Variants in LDB1 observed in about 807,000 individuals in gnomAD.
LDB1 encodes LIM domain-binding protein 1.
In LDB1, 6 loss-of-function variants were observed where a neutral mutation model predicts 49.7. The observed-to-expected ratio is 0.12, with a 90% CI of 0.07 to 0.24. The LOEUF (loss-of-function observed/expected upper bound fraction) is 0.24, where lower values mean the gene tolerates loss of function less well. Among genes scored for constraint, LDB1 ranks in the 10% least tolerant of loss-of-function variants. LDB1 has a pLI of 1.00. For missense variants in LDB1, 341 were observed against 561.7 expected (o/e 0.61, Z 3.97); for synonymous variants, 233 against 202.0 (o/e 1.15, Z -1.30).
At chr10:102,108,392 C>T in intron 10 of LDB1, 69 bp from the exon 11 acceptor site, 1 of 1,213,796 alleles carries the variant, frequency 8.2e-7, no homozygotes. Context: ...GGCAGATACC[C>T]CCAGAGCCCC....
At position 102,109,374 on chromosome 10, in the gene LDB1, A is replaced by G; in HGVS notation, c.856+10T>C. On this transcript the variant is annotated intron_variant, in intron 9 of 10. Coordinates refer to ENST00000673968, the MANE Select transcript of LDB1 (RefSeq NM_001113407.3). The surrounding 1 kb of genome is among the most constrained non-coding windows in gnomAD (Gnocchi z 5.8). ...TGAGATCCTGGTAAGAGCAGGTGCA[A>G]GGCACTCACCAGGGGGTGCTACCAT... 1 of 1,613,956 alleles carries G rather than the reference A, an allele frequency of 6.2e-7. No homozygotes were observed. The highest frequency in any genetic ancestry group is 8.5e-7 in the Non-Finnish European group (1 of 1,180,008).
At chr10:102,108,995 A>G (rs1217691541) in intron 10 of LDB1, 34 bp downstream of exon 10, 1 of 1,614,066 alleles carries the variant, frequency 6.2e-7, no homozygotes, top group Non-Finnish European at 8.5e-7. Flanking sequence ...GTGGTGGGGC[A>G]GCCCAGAAGA....
intron 1 of LDB1, among the ~76,000 whole-genome samples, chr10:102,115,717 C>G (rs1362045356): frequency 6.6e-6 from 1 of 152,120 alleles, no homozygotes; most frequent in Non-Finnish European, 1.5e-5. Context: ...GCTGAATCCT[C>G]CCCACCACCC....
chr10:102,114,812 G>GGGGGGGCCCCCCCCCCCCCC, intron 1 of LDB1: 14 of 929,802 alleles, frequency 1.5e-5, no homozygotes, highest in Non-Finnish European at 1.7e-5. Context: ...CCTCCGAGCA[G>GGGGGGGCCCCCCCCCCCCCC]CCCGCCCGCC....
At chr10:102,115,963 G>A (rs1317902678) in intron 1 of LDB1, among the ~76,000 whole-genome samples, 2 of 151,858 alleles carry the variant, frequency 1.3e-5, no homozygotes, top group East Asian at 3.9e-4. Flanking sequence ...GGGGGAGCAC[G>A]AACCTTCTAT....
intron 1 of LDB1, 86 bp downstream of exon 1, chr10:102,120,000 C>T (rs1026861519): frequency 4.5e-6 from 5 of 1,112,304 alleles, no homozygotes; most frequent in African/African-American, 1.6e-5. Flanking sequence ...CGACGCCCCC[C>T]ACACAAGTTC....
chr10:102,116,968 G>C (rs1313719493), intron 1 of LDB1, among the ~76,000 whole-genome samples: 1 of 142,912 alleles, frequency 7.0e-6, no homozygotes, highest in Non-Finnish European at 1.5e-5. Flanking sequence ...CTAACAGTGA[G>C]ATCCTAACAG....
downstream of LDB1, among the ~76,000 whole-genome samples, chr10:102,102,537 G>C (rs61874764): frequency 0.073 from 11,170 of 152,240 alleles, 486 homozygotes; most frequent in African/African-American, 0.12. Flanking sequence ...GCTTCCTCTG[G>C]AAATGGGTCC....
intron 1 of LDB1, among the ~76,000 whole-genome samples, chr10:102,118,806 T>C (rs111361687): frequency 6.6e-6 from 1 of 152,064 alleles, no homozygotes; most frequent in African/African-American, 2.4e-5. Flanking sequence ...ACCAAGCTGG[T>C]AGAAAGAGGG....
At chr10:102,115,518 G>A (rs2068325349) in intron 1 of LDB1, among the ~76,000 whole-genome samples, 1 of 152,180 alleles carries the variant, frequency 6.6e-6, no homozygotes, top group Non-Finnish European at 1.5e-5. Context: ...ATTGGAGGAA[G>A]GGGGACACTC....
intron 6 of LDB1, 119 bp from the exon 7 acceptor site, chr10:102,110,162 C>G (rs2068231187): frequency 1.8e-6 from 2 of 1,140,558 alleles, no homozygotes; most frequent in African/African-American, 3.1e-5. Flanking sequence ...GTCACCTGCA[C>G]ATTAAATCTG....
Position 102,108,199 on chromosome 10 carries a change from C to T in LDB1, c.1130G>A (p.Ser377Asn), listed in dbSNP as rs1762323381. 1 of 1,614,066 alleles carries T rather than the reference C, an allele frequency of 6.2e-7. No homozygotes were observed. The highest frequency in any genetic ancestry group is 8.5e-7 in the Non-Finnish European group (1 of 1,179,976). ...DAANGIDDED[S>N]FNNSPALGAN... Reference sequence around the variant, plus strand: ...GCCCAGTGCAGGGGAGTTGTTAAAGCTGTCCTCGTCGTCAATGCCGTTGGC... The same window carrying T: ...GCCCAGTGCAGGGGAGTTGTTAAAGTTGTCCTCGTCGTCAATGCCGTTGGC... The change falls in exon 11 of 11, where the codon AGC becomes AAC. Residue 377 changes from serine (S) to asparagine (N), a missense_variant. Ser to Asn is a conservative substitution (Grantham distance 46). Transcript: ENST00000673968.
chr10:102,109,828 T>G lies in LDB1; in HGVS notation c.648+93A>C. On this transcript the variant is annotated intron_variant, in intron 7 of 10. Transcript: ENST00000673968. The surrounding 1 kb of genome is among the most constrained non-coding windows in gnomAD (Gnocchi z 5.8). Reference sequence around the variant, plus strand: ...TTCAGATGAAGAAACCCTAACCCTCTGTCTAAGTAGTCAGTCGGGAAATGG... The same window carrying G: ...TTCAGATGAAGAAACCCTAACCCTCGGTCTAAGTAGTCAGTCGGGAAATGG... 1 of 1,572,382 alleles carries G rather than the reference T, an allele frequency of 6.4e-7. No individual in the cohort carries two copies. Among genetic ancestry groups the G allele is most frequent in the Non-Finnish European group, 8.7e-7 (1 of 1,152,590 alleles).
At chr10:102,118,108 C>T (rs1006204814) in intron 1 of LDB1, among the ~76,000 whole-genome samples, 1 of 152,124 alleles carries the variant, frequency 6.6e-6, no homozygotes, top group African/African-American at 2.4e-5. Flanking sequence ...TGGGCCTGGA[C>T]TGCTACATGC....
Position 102,120,245 on chromosome 10 carries a change from G to A in LDB1, c.-135C>T, listed in dbSNP as rs1445797190. On this transcript the variant is annotated 5_prime_UTR_variant, in exon 1 of 11. Coordinates refer to ENST00000673968, the MANE Select transcript of LDB1 (RefSeq NM_001113407.3). ...CGCCGGCCCGGCCCGGCCTCGGCCC[G>A]GTGCGGGCGGCCCCTGGCTGCGGCG... The A allele has an allele frequency of 2.5e-4, 242 of 982,796 alleles. No homozygotes were observed. The highest frequency in any genetic ancestry group is 2.8e-4 in the Non-Finnish European group (232 of 829,074). 60.9% of individuals were successfully genotyped at this position (982,796 alleles called of 1,614,324 possible). A position where few individuals can be genotyped will look rare whatever the true frequency, so the allele number is the denominator to read the frequency against.
intron 1 of LDB1, chr10:102,114,449 G>T: frequency 7.1e-6 from 7 of 986,278 alleles, no homozygotes; most frequent in Non-Finnish European, 8.4e-6. Context: ...GGGAGCGACT[G>T]CAAGCCCAGA....
At chr10:102,114,812 G>GGGGGCC in intron 1 of LDB1, 92 of 929,648 alleles carry the variant, frequency 9.9e-5, no homozygotes, top group Non-Finnish European at 1.1e-4. Context: ...CCTCCGAGCA[G>GGGGGCC]CCCGCCCGCC....
At position 102,108,163 on chromosome 10, in the gene LDB1, G is replaced by A. The variant is rs1439415369; in HGVS notation, c.1166C>T (p.Pro389Leu). The change falls in exon 11 of 11, where the codon CCC becomes CTC. Residue 389 changes from proline (P) to leucine (L), a missense_variant. Coordinates refer to ENST00000673968, the MANE Select transcript of LDB1 (RefSeq NM_001113407.3). ...NNSPALGANS[P>L]WNSKPPSSQE... is the part of the protein sequence containing the mutation. Reference sequence around the variant, plus strand: ...GCTGGACGGAGGCTTGCTGTTCCAGGGGCTGTTGGCGCCCAGTGCAGGGGA... The same window carrying A: ...GCTGGACGGAGGCTTGCTGTTCCAGAGGCTGTTGGCGCCCAGTGCAGGGGA... The A allele has an allele frequency of 6.2e-7, 1 of 1,614,118 alleles. No individual in the cohort carries two copies. The highest frequency in any genetic ancestry group is 1.7e-5 in the Admixed American group (1 of 60,012).
intron 1 of LDB1, among the ~76,000 whole-genome samples, chr10:102,119,708 C>A (rs1239606798): frequency 3.4e-5 from 5 of 146,146 alleles, no homozygotes; most frequent in Non-Finnish European, 7.5e-5. Flanking sequence ...GAAGGGGGGG[C>A]AGCCCAAACC....
Sources: gnomAD v4.1 joint callset for allele counts (sites outside exome capture counted in the v4.1 genomes callset) on GRCh38, gnomAD v4.1.1 for gene constraint, Gnocchi (gnomAD v3.1) non-coding constraint, MANE v1.5 for transcripts, NCBI Gene and HGNC (gene_info 2026-07-23, HGNC 2026-07-21) for gene names.